UBXN2B: variants seen among roughly 807,000 people sequenced by gnomAD.
The protein encoded by UBXN2B is UBX domain-containing protein 2B.
UBXN2B carries 19 observed loss-of-function variants against 37.5 expected under a neutral mutation model. That is an observed-to-expected ratio of 0.51 (90% CI 0.35 to 0.74). The LOEUF is 0.74. UBXN2B is among the 30% of genes least tolerant of loss of function. The probability of loss-of-function intolerance (pLI) is 0.01; values close to 1 mark genes in which losing one functional copy is unlikely to be tolerated. For missense variants in UBXN2B, 370 were observed against 393.2 expected, an observed-to-expected ratio of 0.94 and a Z score of 0.50; for synonymous variants, 145 against 143.8, an observed-to-expected ratio of 1.01 and a Z score of -0.06.
intron 1 of UBXN2B, among the ~76,000 whole-genome samples, chr8:58,415,117 A>G (rs1480258186): frequency 3.3e-5 from 5 of 152,158 alleles, no homozygotes; most frequent in Admixed American, 6.5e-5. Context: ...TAAAACAGCA[A>G]AAGTACACAA....
At chr8:58,411,611 T>G (rs1458948700) in intron 1 of UBXN2B, 142 bp downstream of exon 1, 1 of 634,106 alleles carries the variant, frequency 1.6e-6, no homozygotes, top group African/African-American at 1.9e-5. Flanking sequence ...GCGCCCGGTC[T>G]CCCGATGTCG....
At chr8:58,434,648 T>C in intron 5 of UBXN2B, 144 bp downstream of exon 5, 1 of 977,754 alleles carries the variant, frequency 1.0e-6, no homozygotes, top group Non-Finnish European at 1.5e-6. Context: ...GTGTAGGTAT[T>C]CTTAAGTTTA....
intron 3 of UBXN2B, among the ~76,000 whole-genome samples, chr8:58,431,292 G>A (rs986960676): frequency 7.9e-5 from 12 of 152,176 alleles, no homozygotes; most frequent in African/African-American, 2.4e-4. Flanking sequence ...GGCCAACATG[G>A]TGAAACTACA....
chr8:58,413,784 A>G (rs1347263378), intron 1 of UBXN2B, among the ~76,000 whole-genome samples: 1 of 152,122 alleles, frequency 6.6e-6, no homozygotes, highest in Non-Finnish European at 1.5e-5. Context: ...TGCATATCAG[A>G]GTAGATTTTC....
Position 58,450,404 on chromosome 8 carries a change from T to C in UBXN2B, c.*2853T>C, listed in dbSNP as rs1292924237. On this transcript the variant is annotated 3_prime_UTR_variant, in exon 8 of 8. Transcript: ENST00000399598. ...CGGCAGGACACAACTCAGCTTAGCT[T>C]TTCGCCACTATGTAACAAGGACTCC... is the stretch of plus-strand genomic sequence containing the variant. 3.3e-5 allele frequency: 5 copies of C among 152,182 alleles called. No homozygotes were observed. The highest frequency in any genetic ancestry group is 7.3e-5 in the Non-Finnish European group (5 of 68,038). 9.4% of individuals were successfully genotyped at this position (152,182 alleles called of 1,614,324 possible). A position where few individuals can be genotyped will look rare whatever the true frequency, so the allele number is the denominator to read the frequency against.
intron 1 of UBXN2B, 120 bp downstream of exon 1, chr8:58,411,589 G>A: frequency 2.3e-6 from 2 of 869,504 alleles, no homozygotes; most frequent in African/African-American, 1.7e-5. Context: ...CCCCGTCTGG[G>A]GATAGAATCC....
intron 6 of UBXN2B, among the ~76,000 whole-genome samples, chr8:58,441,029 G>A (rs1395817459): frequency 1.4e-5 from 2 of 148,038 alleles, no homozygotes; most frequent in Admixed American, 1.4e-4. Context: ...GTCTTGCTCT[G>A]TTGCCCAGAC....
At chr8:58,425,118 G>T (rs1225062205) in intron 2 of UBXN2B, 1 of 805,002 alleles carries the variant, frequency 1.2e-6, no homozygotes, top group Non-Finnish European at 2.2e-6. Context: ...TCCAAAAGTG[G>T]TATTGCCAGA....
intron 2 of UBXN2B, chr8:58,425,893 C>T (rs929684024): frequency 1.7e-6 from 2 of 1,183,142 alleles, no homozygotes; most frequent in Admixed American, 1.7e-5. Flanking sequence ...TATTGTTCTC[C>T]CCTTTGTCAT....
At chr8:58,411,718 A>G (rs1402372158) in intron 1 of UBXN2B, among the ~76,000 whole-genome samples, 1 of 152,200 alleles carries the variant, frequency 6.6e-6, no homozygotes, top group Non-Finnish European at 1.5e-5. Context: ...AAAAATAGCT[A>G]TTCGTTTAGA....
rs763337611 is a variant in UBXN2B, at chr8:58,433,153, ATT to A, written c.340-4_340-3del. ...GTGAATTTTAACTCACTTGCTATGT[ATT>A]TTAGTCATTTACAGGTGGAGGATAC... On this transcript the variant is annotated splice_polypyrimidine_tract_variant and splice_region_variant and intron_variant, in intron 3 of 7. Transcript: ENST00000399598. 6.8e-4 allele frequency: 1,087 copies of A among 1,602,420 alleles called. No individual in the cohort carries two copies. Among genetic ancestry groups the A allele is most frequent in the Non-Finnish European group, 8.6e-4 (1,004 of 1,170,810 alleles).
rs188062192 is a variant in UBXN2B, at chr8:58,425,864, G to A, written c.189-4655G>A. On this transcript the variant is annotated intron_variant, in intron 2 of 7. Transcript: ENST00000399598. ...TTCCTGACAGCAAATCATAACATGG[G>A]CCACTTTAGACTTGCCGTTATTGTT... 1,371 of 1,149,588 alleles carry A rather than the reference G, an allele frequency of 1.2e-3. 4 individuals carry two copies. The highest frequency in any genetic ancestry group is 1.2e-3 in the Non-Finnish European group (878 of 759,504). The allele number at this position is 1,149,588 out of a possible 1,614,324, so 71.2% of individuals were successfully genotyped here. A position where few individuals can be genotyped will look rare whatever the true frequency, so the allele number is the denominator to read the frequency against.
chr8:58,437,951 C>CT (rs200962765), intron 5 of UBXN2B, among the ~76,000 whole-genome samples: 1 of 48,516 alleles, frequency 2.1e-5, no homozygotes, highest in Admixed American at 3.2e-4. Context: ...TTTAAGGCAG[C>CT]CCCCCCCCCA....
intron 2 of UBXN2B, chr8:58,425,498 G>A (rs1300727962): frequency 9.0e-7 from 1 of 1,115,710 alleles, no homozygotes; most frequent in Non-Finnish European, 1.4e-6. Context: ...CCATCGTGTA[G>A]GACAACCCTG....
At chr8:58,413,341 C>T (rs1807686699) in intron 1 of UBXN2B, 1 of 152,150 alleles carries the variant, frequency 6.6e-6, no homozygotes, top group East Asian at 1.9e-4. Flanking sequence ...AACTTGAAAA[C>T]AGCCAAAGGG....
intron 2 of UBXN2B, chr8:58,425,635 C>T: frequency 8.8e-7 from 1 of 1,130,470 alleles, no homozygotes; most frequent in South Asian, 1.2e-5. Context: ...TTCCGAAAAG[C>T]CTTGTTTGAC....
intron 2 of UBXN2B, chr8:58,426,177 C>T (rs1808078576): frequency 1.4e-6 from 1 of 699,720 alleles, no homozygotes. Flanking sequence ...CCACACAGAT[C>T]ACAGTAATCA....
chr8:58,427,809 C>T (rs1387842831), intron 2 of UBXN2B, among the ~76,000 whole-genome samples: 1 of 152,132 alleles, frequency 6.6e-6, no homozygotes, highest in Non-Finnish European at 1.5e-5. Flanking sequence ...AAGAGGTTAT[C>T]TTTGGCAGTG....
rs1033515763 is a variant in UBXN2B, at chr8:58,447,203, A to G, written c.834-186A>G. On this transcript the variant is annotated intron_variant, in intron 7 of 7. Transcript: ENST00000399598. Reference sequence around the variant, plus strand: ...GAAAAGTAAATGTTAAGTACACACTAAAGTTACTTTACATTTTAACTGAAG... The same window carrying G: ...GAAAAGTAAATGTTAAGTACACACTGAAGTTACTTTACATTTTAACTGAAG... 1.1e-4 allele frequency among the ~76,000 whole-genome samples: 17 copies of G among 152,306 alleles called. No individual in the cohort carries two copies. In the East Asian group the frequency reaches 1.5e-3, roughly 14 times the overall value.
Sources: gnomAD v4.1 joint callset for allele counts (sites outside exome capture counted in the v4.1 genomes callset) on GRCh38, gnomAD v4.1.1 for gene constraint, MANE v1.5 for transcripts, NCBI Gene and HGNC (gene_info 2026-07-23, HGNC 2026-07-21) for gene names.